The following NRP2 variants were observed in gnomAD, a reference collection of about 807,000 sequenced individuals.
NRP2 encodes neuropilin-2.
In NRP2, 52 loss-of-function variants were observed where a neutral mutation model predicts 110.4. The ratio of observed to expected loss-of-function variants is 0.47; its 90% CI spans 0.38 to 0.59. The LOEUF is 0.59. Among genes scored for constraint, NRP2 ranks in the 20% least tolerant of loss-of-function variants. The pLI, the probability that NRP2 is intolerant of heterozygous loss-of-function variation, is 0.00. For missense variants in NRP2, 1,049 were observed against 1,203.0 expected (o/e 0.87, Z 1.89); for synonymous variants, 508 against 468.9 (o/e 1.08, Z -1.08).
chr2:205,755,882 G>A (rs566875702), intron 12 of NRP2, among the ~76,000 whole-genome samples: 24 of 152,302 alleles, frequency 1.6e-4, no homozygotes, highest in African/African-American at 4.8e-4. Context: ...TGTGAGGGGC[G>A]TCAGGGTGAA....
At position 205,726,162 on chromosome 2, in the gene NRP2, CA is replaced by C; in HGVS notation, c.990+81del. 7 of 1,397,454 alleles carry C rather than the reference CA, an allele frequency of 5.0e-6. No homozygotes were observed. The South Asian group carries it at 8.3e-5, about 16-fold the overall frequency. 86.6% of individuals were successfully genotyped at this position (1,397,454 alleles called of 1,614,324 possible). A position where few individuals can be genotyped will look rare whatever the true frequency, so the allele number is the denominator to read the frequency against. ...AGGGTAGCTCCTCAAATACAGTAGG[CA>C]GAGGACACAAAGAAAATAAACACAG... On this transcript the variant is annotated intron_variant, in intron 6 of 16. Coordinates refer to ENST00000357785, the MANE Select transcript of NRP2 (RefSeq NM_003872.3).
chr2:205,761,989 T>G (rs1333255831), intron 12 of NRP2: 2 of 152,186 alleles, frequency 1.3e-5, no homozygotes, highest in Non-Finnish European at 1.5e-5. Flanking sequence ...AATAGTAAGA[T>G]CTGATAGGGG....
intron 16 of NRP2, 24 bp downstream of exon 16, chr2:205,792,309 G>T: frequency 6.3e-7 from 1 of 1,583,638 alleles, no homozygotes; most frequent in Middle Eastern, 1.7e-4. Context: ...TGATTTAGCA[G>T]GTAATCGTAA....
intron 2 of NRP2, among the ~76,000 whole-genome samples, chr2:205,702,929 C>T (rs182068230): frequency 5.3e-5 from 8 of 152,306 alleles, no homozygotes. Flanking sequence ...TTTTATCACC[C>T]TTTCCTCTGA....
At position 205,766,815 on chromosome 2, in the gene NRP2, A is replaced by G; in HGVS notation, c.2425+12A>G. On this transcript the variant is annotated intron_variant, in intron 15 of 16. Coordinates refer to ENST00000357785, the MANE Select transcript of NRP2 (RefSeq NM_003872.3). Reference sequence around the variant, plus strand: ...CTCGGCTTTTGCAGGTGAGAATTTTAAAGGTAAAAAAAAATTTTTTTTTTG... The same window carrying G: ...CTCGGCTTTTGCAGGTGAGAATTTTGAAGGTAAAAAAAAATTTTTTTTTTG... 6.2e-7 allele frequency: 1 copy of G among 1,611,158 alleles called. No homozygotes were observed. The highest frequency in any genetic ancestry group is 8.5e-7 in the Non-Finnish European group (1 of 1,179,666).
At chr2:205,736,620 T>C (rs2057347981) in intron 7 of NRP2, among the ~76,000 whole-genome samples, 1 of 152,232 alleles carries the variant, frequency 6.6e-6, no homozygotes, top group Non-Finnish European at 1.5e-5. Flanking sequence ...TCCTGGGTGC[T>C]ATGCAAGCCT....
Position 205,765,460 on chromosome 2 carries a change from C to A in NRP2, c.2308-14C>A, listed in dbSNP as rs2057899515. The stretch of plus-strand genomic sequence containing the variant: ...GACTCAGTTAACCATGGCTCTTATT[C>A]TTCCGGCTTCTAGATTGTGTTCGAG... On this transcript the variant is annotated splice_polypyrimidine_tract_variant and intron_variant, in intron 13 of 16. Transcript: ENST00000357785. 2.5e-6 allele frequency: 4 copies of A among 1,611,646 alleles called. No individual in the cohort carries two copies. Among genetic ancestry groups the A allele is most frequent in the Non-Finnish European group, 2.5e-6 (3 of 1,177,772 alleles).
chr2:205,694,023 CT>C (rs2056370066), intron 1 of NRP2, among the ~76,000 whole-genome samples: 1 of 152,200 alleles, frequency 6.6e-6, no homozygotes, highest in South Asian at 2.1e-4. Flanking sequence ...ATTCTTAATA[CT>C]TCTTAAAAAT....
At chr2:205,766,379 C>A (rs1405022418) in intron 14 of NRP2, among the ~76,000 whole-genome samples, 1 of 152,184 alleles carries the variant, frequency 6.6e-6, no homozygotes, top group African/African-American at 2.4e-5. Context: ...TGGCACACGA[C>A]CCCTGGTGTG....
chr2:205,774,178 C>A (rs1054414520), intron 15 of NRP2, among the ~76,000 whole-genome samples: 1 of 152,180 alleles, frequency 6.6e-6, no homozygotes, highest in Non-Finnish European at 1.5e-5. Flanking sequence ...TCTTGGTGAC[C>A]TGAATAATGA....
At chr2:205,705,039 G>A (rs1192529359) in intron 2 of NRP2, among the ~76,000 whole-genome samples, 1 of 152,132 alleles carries the variant, frequency 6.6e-6, no homozygotes, top group African/African-American at 2.4e-5. Flanking sequence ...GTATTTTCCT[G>A]GAGTCATGAG....
intron 16 of NRP2, among the ~76,000 whole-genome samples, chr2:205,793,063 C>A (rs539206207): frequency 6.6e-6 from 1 of 152,266 alleles, no homozygotes; most frequent in Admixed American, 6.5e-5. Flanking sequence ...AAACTTCATG[C>A]GTAGTTATAG....
At chr2:205,793,474 G>C (rs1290716860) in intron 16 of NRP2, among the ~76,000 whole-genome samples, 3 of 152,172 alleles carry the variant, frequency 2.0e-5, no homozygotes, top group African/African-American at 7.2e-5. Context: ...TAGTCTGCTA[G>C]GGCTTCCAGA....
Position 205,725,681 on chromosome 2 carries a change from T to C in NRP2, c.821-232T>C, listed in dbSNP as rs1453882105. On this transcript the variant is annotated intron_variant, in intron 5 of 16. Transcript: ENST00000357785. This position sits in a 1 kb window ranked among gnomAD's most constrained non-coding sequence, Gnocchi z 4.1. ...TTTAATCTGTATGATGATTCTCTTA[T>C]TTATCCATAGCCTGATTTCTTTTAG... is the stretch of plus-strand genomic sequence containing the variant. Among the ~76,000 whole-genome samples the C allele has an allele frequency of 6.6e-6, 1 of 152,248 alleles. No homozygotes were observed. Among genetic ancestry groups the C allele is most frequent in the Non-Finnish European group, 1.5e-5 (1 of 68,032 alleles).
Position 205,686,234 on chromosome 2 carries a change from C to T in NRP2, c.73+2871C>T, listed in dbSNP as rs1471201048. On this transcript the variant is annotated intron_variant, in intron 1 of 16. Coordinates refer to ENST00000357785, the MANE Select transcript of NRP2 (RefSeq NM_003872.3). This position sits in a 1 kb window ranked among gnomAD's most constrained non-coding sequence, Gnocchi z 4.7. ...ATGCTTGTGCCCTCCTCCTCCTCCT[C>T]CTCCTAAGGACACCCCCAGGGAAAA... Among the ~76,000 whole-genome samples the T allele has an allele frequency of 6.6e-6, 1 of 152,188 alleles. No individual in the cohort carries two copies. Among genetic ancestry groups the T allele is most frequent in the African/African-American group, 2.4e-5 (1 of 41,444 alleles).
chr2:205,775,694 A>G (rs960636510), intron 15 of NRP2, among the ~76,000 whole-genome samples: 6 of 152,228 alleles, frequency 3.9e-5, no homozygotes, highest in African/African-American at 1.4e-4. Context: ...AGCCAGCTTA[A>G]TTAATACATT....
intron 1 of NRP2, among the ~76,000 whole-genome samples, chr2:205,685,084 G>C (rs1183302869): frequency 1.3e-5 from 2 of 152,188 alleles, no homozygotes; most frequent in Non-Finnish European, 2.9e-5. Context: ...CTGTCCCCGA[G>C]CGCTGCTTGG....
chr2:205,700,728 T>G (rs779068593), intron 2 of NRP2: 2 of 518,858 alleles, frequency 3.9e-6, no homozygotes, highest in African/African-American at 3.8e-5. Context: ...CTTGGAAAAT[T>G]TCACTCACAA....
chr2:205,743,210 C>G lies in NRP2; in HGVS notation c.1299C>G (p.Pro433=), dbSNP rs1465571139. The stretch of plus-strand genomic sequence containing the variant: ...TTCCTCTCCTCTCTGCAGATGCTCC[C>G]TGCTCCAACATGCTGGGGATGCTCT... The part of the protein sequence containing the change: ...ELFGCRVTDA[P]CSNMLGMLSG... Residue 433 remains proline, a synonymous_variant, in exon 9 of 17, where the codon CCC becomes CCG. Transcript: ENST00000357785. 6.2e-7 allele frequency: 1 copy of G among 1,612,208 alleles called. No individual in the cohort carries two copies. The highest frequency in any genetic ancestry group is 8.5e-7 in the Non-Finnish European group (1 of 1,180,016).
Sources: gnomAD v4.1 joint callset for allele counts (sites outside exome capture counted in the v4.1 genomes callset) on GRCh38, gnomAD v4.1.1 for gene constraint, Gnocchi (gnomAD v3.1) non-coding constraint, MANE v1.5 for transcripts, NCBI Gene and HGNC (gene_info 2026-07-23, HGNC 2026-07-21) for gene names.